SLC10A7: variants seen among roughly 807,000 people sequenced by gnomAD.
SLC10A7 encodes sodium/bile acid cotransporter 7.
In SLC10A7, 29 loss-of-function variants were observed where a neutral mutation model predicts 43.2. The observed-to-expected ratio is 0.67, with a 90% CI of 0.50 to 0.92. SLC10A7 has a LOEUF of 0.92. Ranked by LOEUF, SLC10A7 falls within the 40% of genes least tolerant of loss-of-function variation. The pLI is 0.00. For missense variants in SLC10A7, 295 were observed against 403.2 expected (o/e 0.73, Z 2.30); for synonymous variants, 152 against 144.8 (o/e 1.05, Z -0.35).
chr4:146,451,051 G>C (rs1042955762), intron 4 of SLC10A7, among the ~76,000 whole-genome samples: 19 of 151,340 alleles, frequency 1.3e-4, no homozygotes, highest in African/African-American at 4.6e-4. Flanking sequence ...TAAAGATCTA[G>C]ATGTGGAAGG....
intron 10 of SLC10A7, among the ~76,000 whole-genome samples, chr4:146,274,380 T>C (rs1729078372): frequency 1.3e-5 from 2 of 151,882 alleles, no homozygotes. Flanking sequence ...GTTTTTGTAT[T>C]TTTAGTAGAG....
At position 146,311,896 on chromosome 4, in the gene SLC10A7, C is replaced by T. The variant is rs74368957; in HGVS notation, c.472-5887G>A. Among the ~76,000 whole-genome samples, 34 of 152,230 alleles carry T rather than the reference C, an allele frequency of 2.2e-4. No homozygotes were observed. In the East Asian group the frequency reaches 4.1e-3, roughly 18 times the overall value. ...CAGGCCCCAATCCCCTCCCTATACA[C>T]GATATAGTTCAGCTTTTCTTTCATT... On this transcript the variant is annotated intron_variant, in intron 6 of 11. Coordinates refer to ENST00000335472, the MANE Select transcript of SLC10A7 (RefSeq NM_001029998.6).
At chr4:146,327,652 T>C (rs1422865446) in intron 5 of SLC10A7, among the ~76,000 whole-genome samples, 1 of 152,232 alleles carries the variant, frequency 6.6e-6, no homozygotes, top group Non-Finnish European at 1.5e-5. Flanking sequence ...CAAGAGTAAG[T>C]ACAACATGGT....
chr4:146,478,101 CT>C (rs1013889490), intron 4 of SLC10A7: 1 of 152,150 alleles, frequency 6.6e-6, no homozygotes. Flanking sequence ...TTTTCTCAGA[CT>C]GTTAATAATG....
At chr4:146,468,050 G>A (rs1377581973) in intron 4 of SLC10A7, among the ~76,000 whole-genome samples, 1 of 152,162 alleles carries the variant, frequency 6.6e-6, no homozygotes, top group Non-Finnish European at 1.5e-5. Flanking sequence ...AGGCAACAGA[G>A]GACCCCAGAC....
At chr4:146,416,743 T>G (rs897545732) in intron 5 of SLC10A7, among the ~76,000 whole-genome samples, 1 of 152,196 alleles carries the variant, frequency 6.6e-6, no homozygotes, top group Non-Finnish European at 1.5e-5. Flanking sequence ...CAAAATCTTT[T>G]CAATGACCCA....
chr4:146,497,886 T>A (rs1320465445), intron 4 of SLC10A7, among the ~76,000 whole-genome samples: 2 of 151,876 alleles, frequency 1.3e-5, no homozygotes, highest in East Asian at 1.9e-4. Flanking sequence ...GCAAGTCTCA[T>A]CAGGTTTAAA....
intron 4 of SLC10A7, among the ~76,000 whole-genome samples, chr4:146,474,205 C>T (rs1376478238): frequency 6.6e-6 from 1 of 151,012 alleles, no homozygotes; most frequent in Non-Finnish European, 1.5e-5. Context: ...CTAAACAATA[C>T]ACAACAATAT....
intron 10 of SLC10A7, among the ~76,000 whole-genome samples, chr4:146,276,620 G>T (rs187214340): frequency 6.6e-6 from 1 of 152,248 alleles, no homozygotes; most frequent in East Asian, 1.9e-4. Context: ...TCTTAATTTA[G>T]CTCTGCTTCC....
intron 5 of SLC10A7, among the ~76,000 whole-genome samples, chr4:146,404,457 A>T (rs1322265134): frequency 6.8e-6 from 1 of 147,566 alleles, no homozygotes; most frequent in Non-Finnish European, 1.5e-5. Flanking sequence ...ACATCTTTTC[A>T]TAGGTTTGCT....
chr4:146,261,451 A>G (rs937912256), intron 10 of SLC10A7, among the ~76,000 whole-genome samples: 4 of 152,090 alleles, frequency 2.6e-5, no homozygotes, highest in Non-Finnish European at 5.9e-5. Context: ...TTCTGCATTT[A>G]TTTGTCTTGT....
intron 5 of SLC10A7, among the ~76,000 whole-genome samples, chr4:146,373,250 G>T (rs544774085): frequency 4.7e-4 from 71 of 152,138 alleles, no homozygotes; most frequent in Middle Eastern, 3.4e-3. Flanking sequence ...AGGTGAGAGG[G>T]TTGCTTGAGC....
chr4:146,340,765 T>C (rs939272775), intron 5 of SLC10A7, among the ~76,000 whole-genome samples: 1 of 151,938 alleles, frequency 6.6e-6, no homozygotes, highest in African/African-American at 2.4e-5. Flanking sequence ...GCCAAGACTT[T>C]ATATTAGAAA....
intron 1 of SLC10A7, among the ~76,000 whole-genome samples, chr4:146,519,910 G>A (rs1223263287): frequency 6.6e-6 from 1 of 152,134 alleles, no homozygotes; most frequent in East Asian, 1.9e-4. Context: ...AGAAGGACTA[G>A]TGGAAATGGG....
chr4:146,465,024 T>G (rs948499691), intron 4 of SLC10A7, among the ~76,000 whole-genome samples: 1 of 152,126 alleles, frequency 6.6e-6, no homozygotes, highest in Non-Finnish European at 1.5e-5. Flanking sequence ...AGACAGAGCA[T>G]CCCACTAGAA....
At chr4:146,337,040 AC>A (rs1560810800) in intron 5 of SLC10A7, among the ~76,000 whole-genome samples, 76 of 152,158 alleles carry the variant, frequency 5.0e-4, no homozygotes, top group African/African-American at 1.8e-3. Flanking sequence ...AGTGACAAAA[AC>A]AATTTGAAAT....
At chr4:146,493,847 C>T (rs1026526494) in intron 4 of SLC10A7, among the ~76,000 whole-genome samples, 5 of 152,178 alleles carry the variant, frequency 3.3e-5, no homozygotes, top group African/African-American at 1.2e-4. Context: ...TATTTAAATA[C>T]AAATCATCTT....
intron 4 of SLC10A7, among the ~76,000 whole-genome samples, chr4:146,464,135 CTAA>C (rs1732797801): frequency 6.6e-6 from 1 of 151,124 alleles, no homozygotes; most frequent in African/African-American, 2.4e-5. Context: ...CCATTATTTT[CTAA>C]TAGCAAAAAA....
chr4:146,453,023 A>ACG (rs1731725437), intron 4 of SLC10A7, among the ~76,000 whole-genome samples: 1 of 111,366 alleles, frequency 9.0e-6, no homozygotes, highest in Non-Finnish European at 1.8e-5. Context: ...GATATATACA[A>ACG]TGTGTGTGTG....
Sources: gnomAD v4.1 joint callset for allele counts (sites outside exome capture counted in the v4.1 genomes callset) on GRCh38, gnomAD v4.1.1 for gene constraint, MANE v1.5 for transcripts, NCBI Gene and HGNC (gene_info 2026-07-23, HGNC 2026-07-21) for gene names.